Variants in COL13A1 observed in about 807,000 individuals in gnomAD.
COL13A1 encodes the protein collagen alpha-1(XIII) chain.
Under a neutral mutation model 130.9 loss-of-function variants are expected in COL13A1, and 89 were observed. That is an observed-to-expected ratio of 0.68 (90% CI 0.57 to 0.81). The LOEUF (loss-of-function observed/expected upper bound fraction) is 0.81. COL13A1 is among the 30% of genes least tolerant of loss of function. COL13A1 has a pLI of 0.00. For synonymous variants in COL13A1, 402 were observed against 341.6 expected (o/e 1.18, Z -1.95); for missense variants, 879 against 934.6 (o/e 0.94, Z 0.78).
intron 2 of COL13A1, among the ~76,000 whole-genome samples, chr10:69,839,721 T>C (rs1851074709): frequency 6.6e-6 from 1 of 151,830 alleles, no homozygotes; most frequent in Non-Finnish European, 1.5e-5. Context: ...ATCCCTGAGG[T>C]CGGAATGAGC....
chr10:69,809,804 G>A (rs1485136708), intron 1 of COL13A1, among the ~76,000 whole-genome samples: 3 of 152,204 alleles, frequency 2.0e-5, no homozygotes, highest in East Asian at 3.9e-4. Context: ...ATTACATCAG[G>A]CCTTGGTGAT....
rs939077968 is a variant in COL13A1, at chr10:69,840,989, G to A, written c.364+18551G>A. Among the ~76,000 whole-genome samples, 42 of 151,876 alleles carry A rather than the reference G, an allele frequency of 2.8e-4. 1 individual carries two copies. The highest frequency in any genetic ancestry group is 5.9e-4 in the Non-Finnish European group (40 of 67,966). ...GAGGACACTCCTCTGTCACCCCTCCGCCTGAAACCCTGCAGTGGCGCCAGT... is the reference window on the plus strand; with the variant it reads ...GAGGACACTCCTCTGTCACCCCTCCACCTGAAACCCTGCAGTGGCGCCAGT... On this transcript the variant is annotated intron_variant, in intron 2 of 40. Transcript: ENST00000645393.
chr10:69,892,271 C>T (rs1012589388), intron 10 of COL13A1, among the ~76,000 whole-genome samples: 3 of 152,140 alleles, frequency 2.0e-5, no homozygotes, highest in African/African-American at 7.2e-5. Flanking sequence ...TGTCTCCTGC[C>T]CCAGATGCTG....
At chr10:69,942,587 TG>T (rs778701604) in intron 35 of COL13A1, among the ~76,000 whole-genome samples, 1 of 150,086 alleles carries the variant, frequency 6.7e-6, no homozygotes, top group East Asian at 1.9e-4. Flanking sequence ...AGGGAAAATG[TG>T]GGGAAAAAAA....
At chr10:69,920,271 T>C (rs2064471209) in intron 21 of COL13A1, among the ~76,000 whole-genome samples, 1 of 152,214 alleles carries the variant, frequency 6.6e-6, no homozygotes, top group African/African-American at 2.4e-5. Context: ...TCTGACCAAA[T>C]TATAAGCCCA....
At chr10:69,890,035 T>G (rs541774208) in intron 10 of COL13A1, among the ~76,000 whole-genome samples, 1 of 152,170 alleles carries the variant, frequency 6.6e-6, no homozygotes, top group South Asian at 2.1e-4. Flanking sequence ...AGGAGCAAGG[T>G]CTTCTCTTCC....
At chr10:69,842,842 G>A (rs955806785) in intron 2 of COL13A1, among the ~76,000 whole-genome samples, 12 of 152,206 alleles carry the variant, frequency 7.9e-5, no homozygotes, top group African/African-American at 2.7e-4. Context: ...GCTGGGTTCC[G>A]CTGTGTGAGG....
chr10:69,914,795 G>A (rs78795594), intron 17 of COL13A1, among the ~76,000 whole-genome samples: 62 of 152,356 alleles, frequency 4.1e-4, no homozygotes, highest in Non-Finnish European at 5.0e-4. Context: ...CCGCTGTGGC[G>A]GGAGTAGCCA....
chr10:69,933,041 C>A (rs2066336591), intron 31 of COL13A1, among the ~76,000 whole-genome samples: 1 of 142,350 alleles, frequency 7.0e-6, no homozygotes, highest in Admixed American at 7.6e-5. Flanking sequence ...GAGGCTGAGG[C>A]AGGAGAATCA....
rs558162897 is a variant in COL13A1 at position 69,942,425 on chromosome 10, A to G, written c.1914+1402A>G. Among the ~76,000 whole-genome samples the G allele has an allele frequency of 6.6e-5, 10 of 152,168 alleles. 1 individual carries two copies. The South Asian group carries it at 2.1e-3, about 32-fold the overall frequency. ...TCTCAGGTGCGGGCAGGGCTCGGGG[A>G]TGATCTGTGGTTGCAATCAGAGAAA... On this transcript the variant is annotated intron_variant, in intron 35 of 40. Coordinates refer to ENST00000645393, the MANE Select transcript of COL13A1 (RefSeq NM_001368882.1).
intron 10 of COL13A1, among the ~76,000 whole-genome samples, chr10:69,892,691 C>T (rs2061300675): frequency 6.6e-6 from 1 of 152,210 alleles, no homozygotes; most frequent in Non-Finnish European, 1.5e-5. Flanking sequence ...GGCCATGGCC[C>T]TTAAAGGGGC....
chr10:69,897,478 T>C (rs2061762915), intron 13 of COL13A1: 1 of 1,613,472 alleles, frequency 6.2e-7, no homozygotes, highest in African/African-American at 1.3e-5. Flanking sequence ...AAACTAGGAG[T>C]GCCTAAGCAG....
At chr10:69,864,077 A>C (rs1859064849) in intron 2 of COL13A1, among the ~76,000 whole-genome samples, 1 of 152,156 alleles carries the variant, frequency 6.6e-6, no homozygotes, top group African/African-American at 2.4e-5. Context: ...TCAAAAAATA[A>C]TAATAAATTA....
chr10:69,829,143 C>A, intron 2 of COL13A1: 1 of 771,164 alleles, frequency 1.3e-6, no homozygotes, highest in Non-Finnish European at 1.6e-6. Flanking sequence ...AGGCTGAACA[C>A]CACCATTTCC....
intron 2 of COL13A1, among the ~76,000 whole-genome samples, chr10:69,855,810 C>A (rs1253450551): frequency 4.9e-5 from 1 of 20,564 alleles, no homozygotes; most frequent in South Asian, 1.6e-3. Context: ...GATGCAAGCA[C>A]ACTTGTCATT....
chr10:69,863,066 C>G (rs759984046), intron 2 of COL13A1, among the ~76,000 whole-genome samples: 1 of 152,154 alleles, frequency 6.6e-6, no homozygotes, highest in African/African-American at 2.4e-5. Flanking sequence ...GACTGAGGCA[C>G]GGGAGGAGCC....
At chr10:69,880,404 C>T (rs923776607) in intron 6 of COL13A1, 99 bp from the exon 7 acceptor site, 22 of 759,370 alleles carry the variant, frequency 2.9e-5, no homozygotes, top group Admixed American at 2.8e-4. Context: ...TGCTCCTGGC[C>T]CCCTGCCAGC....
At chr10:69,872,430 T>A (rs984314188) in intron 4 of COL13A1, among the ~76,000 whole-genome samples, 7 of 152,214 alleles carry the variant, frequency 4.6e-5, no homozygotes, top group Admixed American at 3.9e-4. Flanking sequence ...GCTACAGCCC[T>A]TGGTGTGCCT....
chr10:69,840,115 A>G lies in COL13A1; in HGVS notation c.364+17677A>G, dbSNP rs574822099. On this transcript the variant is annotated intron_variant, in intron 2 of 40. Transcript: ENST00000645393. ...GAGGTGACGCTAGCAGGCCTTGCTG[A>G]TGGGCTGGCTGTCGGGTGAGAGATG... 1.8e-4 allele frequency among the ~76,000 whole-genome samples: 28 copies of G among 152,262 alleles called. No homozygotes were observed. The East Asian group carries it at 2.1e-3, about 12-fold the overall frequency.
Sources: gnomAD v4.1 joint callset for allele counts (sites outside exome capture counted in the v4.1 genomes callset) on GRCh38, gnomAD v4.1.1 for gene constraint, MANE v1.5 for transcripts, NCBI Gene and HGNC (gene_info 2026-07-23, HGNC 2026-07-21) for gene names.